Variants in UBN2 observed in about 807,000 individuals in gnomAD.
UBN2 encodes the protein ubinuclein 2, also known as ubinuclein-2.
In UBN2, 35 loss-of-function variants were observed where a neutral mutation model predicts 120.2. That is an observed-to-expected ratio of 0.29 (90% CI 0.22 to 0.39). The LOEUF (loss-of-function observed/expected upper bound fraction) is 0.39. Among genes scored for constraint, UBN2 ranks in the 10% least tolerant of loss-of-function variants. The pLI, the probability that UBN2 is intolerant of heterozygous loss-of-function variation, is 1.00. For synonymous variants in UBN2, 661 were observed against 648.7 expected (o/e 1.02, Z -0.29); for missense variants, 1,693 against 1,663.2 (o/e 1.02, Z -0.31).
At chr7:139,286,102 G>A (rs1428729843) in intron 15 of UBN2, among the ~76,000 whole-genome samples, 2 of 152,024 alleles carry the variant, frequency 1.3e-5, no homozygotes, top group African/African-American at 4.8e-5. Context: ...TAATTTTTGT[G>A]TTTTTAGTAG....
chr7:139,297,173 G>A (rs377501800), intron 17 of UBN2, among the ~76,000 whole-genome samples: 50 of 145,088 alleles, frequency 3.4e-4, no homozygotes, highest in African/African-American at 8.7e-4. Flanking sequence ...CAGCCTGGGC[G>A]ACAGAGCGAG....
chr7:139,233,707 C>G (rs1424405254), intron 1 of UBN2, among the ~76,000 whole-genome samples: 5 of 152,070 alleles, frequency 3.3e-5, no homozygotes, highest in African/African-American at 1.2e-4. Context: ...AGTAGAAATA[C>G]AAAGACCTTT....
the UBN2 span, among the ~76,000 whole-genome samples, chr7:139,327,424 G>T: frequency 1.3e-5 from 2 of 152,210 alleles, no homozygotes; most frequent in African/African-American, 2.4e-5. Flanking sequence ...ATAAAGAAAA[G>T]AAATTTATTT....
the UBN2 span, among the ~76,000 whole-genome samples, chr7:139,314,452 C>G: frequency 2.6e-5 from 4 of 151,424 alleles, no homozygotes; most frequent in South Asian, 4.2e-4. Flanking sequence ...AAGAGAAACT[C>G]CATCTCAAAA....
Position 139,293,990 on chromosome 7 carries a change from G to T in UBN2, c.3994+9G>T, listed in dbSNP as rs567583243. 1 of 1,612,514 alleles carries T rather than the reference G, an allele frequency of 6.2e-7. No homozygotes were observed. The highest frequency in any genetic ancestry group is 8.5e-7 in the Non-Finnish European group (1 of 1,178,728). On this transcript the variant is annotated intron_variant, in intron 17 of 17. Coordinates refer to ENST00000473989, the MANE Select transcript of UBN2 (RefSeq NM_173569.4). ...ACAGCAAGCATTTCACGGTGAGAAC[G>T]CCACCTCCTTCATCTCTTTCTTATT...
the UBN2 span, among the ~76,000 whole-genome samples, chr7:139,319,062 G>A: frequency 3.1e-4 from 47 of 151,932 alleles, no homozygotes; most frequent in Admixed American, 2.7e-3. Context: ...AGAGTCTTTT[G>A]TTGTTGTTGT....
chr7:139,231,966 T>C lies in UBN2; in HGVS notation c.468+14T>C. ...GGAGAACAACGGGTACAGAAGATTC[T>C]TCCCTCCTGCCCCAGACCCCGGGAG... On this transcript the variant is annotated intron_variant, in intron 1 of 17. Coordinates refer to ENST00000473989, the MANE Select transcript of UBN2 (RefSeq NM_173569.4). 1.3e-6 allele frequency: 2 copies of C among 1,571,410 alleles called. No homozygotes were observed. The highest frequency in any genetic ancestry group is 1.7e-6 in the Non-Finnish European group (2 of 1,165,464).
chr7:139,275,564 CAG>C (rs1000703172), intron 11 of UBN2, among the ~76,000 whole-genome samples: 15 of 149,468 alleles, frequency 1.0e-4, no homozygotes, highest in Non-Finnish European at 2.1e-4. Flanking sequence ...GCCTGGGTGA[CAG>C]AGCGAGACTC....
In UBN2 at chr7:139,274,145, A is replaced by C. The variant is rs1797370900; in HGVS notation, c.1973+71A>C. The C allele has an allele frequency of 2.8e-6, 4 of 1,414,618 alleles. No homozygotes were observed. In the East Asian group the frequency reaches 1.0e-4, roughly 36 times the overall value. 87.6% of individuals were successfully genotyped at this position (1,414,618 alleles called of 1,614,324 possible). On this transcript the variant is annotated intron_variant, in intron 11 of 17. Coordinates refer to ENST00000473989, the MANE Select transcript of UBN2 (RefSeq NM_173569.4). ...GCTGTTATTAAAGATATACATACAC[A>C]TACACATATGTGACATTGATTTTGC...
At chr7:139,312,422 AC>A (rs1311346645), downstream of UBN2, among the ~76,000 whole-genome samples, 1 of 152,162 alleles carries the variant, frequency 6.6e-6, no homozygotes, top group Admixed American at 6.6e-5. Flanking sequence ...CATTATACAT[AC>A]CTGTTCCCCT....
Position 139,297,947 on chromosome 7 carries a change from C to G in UBN2, c.*111C>G. 8.2e-7 allele frequency: 1 copy of G among 1,217,348 alleles called. No homozygotes were observed. The highest frequency in any genetic ancestry group is 1.3e-5 in the South Asian group (1 of 79,868). 75.4% of individuals were successfully genotyped at this position (1,217,348 alleles called of 1,614,324 possible). On this transcript the variant is annotated 3_prime_UTR_variant, in exon 18 of 18. Transcript: ENST00000473989. ...CTGTTTCTGTCGATGTTTACATTCT[C>G]TCGTCCCAAGCACTGTGGTGAGGAG...
In UBN2 at chr7:139,282,010, G is replaced by C; in HGVS notation, c.2073G>C (p.Val691=). 1.2e-6 allele frequency: 2 copies of C among 1,613,376 alleles called. No homozygotes were observed. Among genetic ancestry groups the C allele is most frequent in the Non-Finnish European group, 8.5e-7 (1 of 1,179,496 alleles). ...TTGCTTATGTAATACCTTAGGAGGT[G>C]ATGGTAAAGACCCTTCCTCTCCATT... ...IPAPKPKVKE[V]MVKTLPLHSF... The change falls in exon 14 of 18, where the codon GTG becomes GTC. Residue 691 remains valine (V), a synonymous_variant. Coordinates refer to ENST00000473989, the MANE Select transcript of UBN2 (RefSeq NM_173569.4).
the UBN2 span, among the ~76,000 whole-genome samples, chr7:139,316,466 A>T: frequency 6.6e-6 from 1 of 152,038 alleles, no homozygotes; most frequent in Non-Finnish European, 1.5e-5. Flanking sequence ...TTCCTTCATC[A>T]CTTAGAAATA....
chr7:139,287,831 A>G (rs1797835657), intron 15 of UBN2, among the ~76,000 whole-genome samples: 1 of 151,504 alleles, frequency 6.6e-6, no homozygotes, highest in African/African-American at 2.4e-5. Context: ...ACCTGTCTAT[A>G]GCTCTCCAAC....
chr7:139,248,360 CA>C (rs1796530018), intron 2 of UBN2, among the ~76,000 whole-genome samples: 1 of 152,056 alleles, frequency 6.6e-6, no homozygotes, highest in African/African-American at 2.4e-5. Context: ...GATTGCTTTC[CA>C]AAAGGGTTTT....
chr7:139,291,382 A>AC (rs1797953070), intron 15 of UBN2, among the ~76,000 whole-genome samples: 1 of 150,248 alleles, frequency 6.7e-6, no homozygotes, highest in African/African-American at 2.4e-5. Flanking sequence ...AAAAAAAAAA[A>AC]CATGGAAAAC....
At position 139,305,124 on chromosome 7, in the gene UBN2, A is replaced by G. The variant is rs185782205; in HGVS notation, c.*7288A>G. The G allele has an allele frequency of 3.9e-4, 60 of 152,322 alleles. 1 individual carries two copies. Among genetic ancestry groups the G allele is most frequent in the African/African-American group, 1.3e-3 (54 of 41,570 alleles). 9.4% of individuals were successfully genotyped at this position (152,322 alleles called of 1,614,324 possible). On this transcript the variant is annotated 3_prime_UTR_variant, in exon 18 of 18. Transcript: ENST00000473989. ...TTCAATTCTGAGAGTTTTAGATTAT[A>G]TGACACAATGTTCAGGTTTATAGAG...
rs193239189 is a variant in UBN2, at chr7:139,239,966, C to T, written c.561+2869C>T. On this transcript the variant is annotated intron_variant, in intron 2 of 17. Transcript: ENST00000473989. ...ATAAGTAAAGTGATTCAGTATATGA[C>T]GCACTACCTTAAAGTTAGCATTAAG... Among the ~76,000 whole-genome samples, 421 of 152,242 alleles carry T rather than the reference C, an allele frequency of 2.8e-3. 1 individual carries two copies. Among genetic ancestry groups the T allele is most frequent in the African/African-American group, 9.7e-3 (404 of 41,548 alleles).
In UBN2 at chr7:139,283,664, C is replaced by G; in HGVS notation, c.2759C>G (p.Ala920Gly). The G allele has an allele frequency of 6.2e-7, 1 of 1,614,178 alleles. No individual in the cohort carries two copies. Among genetic ancestry groups the G allele is most frequent in the Non-Finnish European group, 8.5e-7 (1 of 1,180,026 alleles). The change falls in exon 15 of 18, where the codon GCT (alanine) becomes GGT (glycine). Residue 920 changes from alanine (A) to glycine (G), a missense_variant. This residue lies in a region of UBN2 where 837 missense variants were observed against 817.6 expected (regional missense o/e 1.02). Transcript: ENST00000473989. ...HALGTSEAQD[A>G]SSLTQVTKVH... Reference sequence around the variant, plus strand: ...CTGGGAACATCCGAGGCCCAAGATGCTTCTTCGTTAACACAAGTAACAAAG... The same window carrying G: ...CTGGGAACATCCGAGGCCCAAGATGGTTCTTCGTTAACACAAGTAACAAAG...
Sources: gnomAD v4.1 joint callset for allele counts (sites outside exome capture counted in the v4.1 genomes callset) on GRCh38, gnomAD v4.1.1 for gene constraint, gnomAD v4.1.1 regional missense constraint, MANE v1.5 for transcripts, NCBI Gene and HGNC (gene_info 2026-07-23, HGNC 2026-07-21) for gene names.